The following CCDC57 variants were observed in gnomAD, a reference collection of about 807,000 sequenced individuals.
CCDC57 encodes the protein coiled-coil domain-containing protein 57.
In CCDC57, 118 loss-of-function variants were observed where a neutral mutation model predicts 118.9. The ratio of observed to expected loss-of-function variants is 0.99; its 90% confidence interval spans 0.86 to 1.16. The LOEUF is 1.16. Ranked by LOEUF, CCDC57 falls within the 50% of genes most tolerant of loss-of-function variation. The probability of loss-of-function intolerance (pLI) is 0.00; values close to 1 mark genes in which losing one functional copy is unlikely to be tolerated. For missense variants in CCDC57, 1,300 were observed against 1,320.7 expected (o/e 0.98, Z 0.24); for synonymous variants, 527 against 532.9 (o/e 0.99, Z 0.15).
At chr17:82,189,195 G>A (rs1456340946) in intron 7 of CCDC57, among the ~76,000 whole-genome samples, 1 of 152,152 alleles carries the variant, frequency 6.6e-6, no homozygotes, top group East Asian at 1.9e-4. Flanking sequence ...CGGAGCGTGG[G>A]AGGTCGAGGC....
chr17:82,132,951 G>C (rs1378396768), intron 17 of CCDC57, among the ~76,000 whole-genome samples: 1 of 151,888 alleles, frequency 6.6e-6, no homozygotes. Context: ...GTAGAGACGG[G>C]GTTTCACCAT....
In CCDC57 at chr17:82,211,400, G is replaced by T. The variant is rs114665060; in HGVS notation, c.-211+1385C>A. On this transcript the variant is annotated intron_variant, in intron 1 of 19. Transcript: ENST00000665763. The stretch of plus-strand genomic sequence containing the variant: ...AAGCAAGAATAAATACTGGAGACCA[G>T]ATCATGGGATGATACCAACATGAAC... Among the ~76,000 whole-genome samples, 1,365 of 152,324 alleles carry T rather than the reference G, an allele frequency of 9.0e-3. 14 individuals are homozygous for T. Among genetic ancestry groups the T allele is most frequent in the African/African-American group, 0.032 (1,314 of 41,560 alleles).
intron 9 of CCDC57, among the ~76,000 whole-genome samples, chr17:82,180,866 TA>T (rs1265981236): frequency 6.6e-6 from 1 of 152,184 alleles, no homozygotes; most frequent in Non-Finnish European, 1.5e-5. Flanking sequence ...CTTCCCACTT[TA>T]AACAACTGGG....
chr17:82,204,179 C>T (rs1009805379), intron 2 of CCDC57, among the ~76,000 whole-genome samples: 1 of 152,160 alleles, frequency 6.6e-6, no homozygotes, highest in African/African-American at 2.4e-5. Flanking sequence ...CCCCCGCGCC[C>T]AGCACCCTAG....
intron 15 of CCDC57, chr17:82,153,567 G>A (rs989819467): frequency 1.3e-5 from 2 of 152,294 alleles, no homozygotes; most frequent in East Asian, 1.9e-4. Flanking sequence ...CAGTGACCTG[G>A]GGGGCAGGGA....
At chr17:82,111,619 G>GT in intron 19 of CCDC57, among the ~76,000 whole-genome samples, 1 of 150,990 alleles carries the variant, frequency 6.6e-6, no homozygotes. Flanking sequence ...TTTTGTTTTT[G>GT]TTTTTTGAGA....
intron 16 of CCDC57, among the ~76,000 whole-genome samples, chr17:82,148,948 ATGG>A (rs1331352504): frequency 0.029 from 650 of 22,302 alleles, no homozygotes; most frequent in Non-Finnish European, 0.032. Flanking sequence ...GGGTGGGTGG[ATGG>A]TAGATGGATG....
intron 13 of CCDC57, among the ~76,000 whole-genome samples, chr17:82,166,937 A>G (rs542848658): frequency 2.0e-5 from 3 of 152,066 alleles, no homozygotes; most frequent in African/African-American, 7.2e-5. Context: ...CCACAACAAC[A>G]ACAACAAAAA....
At chr17:82,188,446 G>A in intron 7 of CCDC57, 27 bp from the exon 7 acceptor site, 2 of 1,592,294 alleles carry the variant, frequency 1.3e-6, no homozygotes, top group Middle Eastern at 1.7e-4. Flanking sequence ...GTCCCATGGC[G>A]CTCACCCAGC....
At chr17:82,131,893 A>G (rs1035796392) in intron 17 of CCDC57, among the ~76,000 whole-genome samples, 89 of 152,206 alleles carry the variant, frequency 5.8e-4, no homozygotes, top group African/African-American at 2.1e-3. Flanking sequence ...AGGCAGGAGG[A>G]TCACTTGAGT....
chr17:82,116,534 T>C (rs1368070997), intron 19 of CCDC57, among the ~76,000 whole-genome samples: 1 of 152,154 alleles, frequency 6.6e-6, no homozygotes, highest in Non-Finnish European at 1.5e-5. Context: ...GCATCTCCTC[T>C]GACCCCAGGA....
At chr17:82,141,253 G>A (rs12451217) in intron 16 of CCDC57, among the ~76,000 whole-genome samples, 2,614 of 147,512 alleles carry the variant, frequency 0.018, 206 homozygotes, top group Admixed American at 0.14. Context: ...GCATGATCTC[G>A]GCTCACTGCA....
At chr17:82,179,092 T>C (rs138891929) in exon 10 of CCDC57, 1 of 1,613,996 alleles carries the variant, frequency 6.2e-7, no homozygotes, top group Non-Finnish European at 8.5e-7. Flanking sequence ...TCCCTTTCAA[T>C]GTCATCACAG....
intron 19 of CCDC57, among the ~76,000 whole-genome samples, chr17:82,121,448 C>T (rs1023199297): frequency 6.6e-6 from 1 of 152,196 alleles, no homozygotes; most frequent in Non-Finnish European, 1.5e-5. Flanking sequence ...TTAAGACAGG[C>T]GCCTGGAGCC....
intron 16 of CCDC57, among the ~76,000 whole-genome samples, chr17:82,140,727 C>T (rs1245708584): frequency 6.6e-6 from 1 of 152,210 alleles, no homozygotes; most frequent in Non-Finnish European, 1.5e-5. Flanking sequence ...CAGTCACCAG[C>T]AGCCACTTGT....
intron 19 of CCDC57, among the ~76,000 whole-genome samples, chr17:82,117,629 T>C (rs2036091585): frequency 1.3e-5 from 2 of 152,044 alleles, no homozygotes; most frequent in South Asian, 4.1e-4. Context: ...CACTCCAGCC[T>C]GGGCGACGGA....
chr17:82,136,471 TGG>T (rs1598806454), intron 16 of CCDC57, among the ~76,000 whole-genome samples: 3 of 151,970 alleles, frequency 2.0e-5, no homozygotes, highest in East Asian at 3.9e-4. Flanking sequence ...AAAGGAATTC[TGG>T]AACAAATGAT....
chr17:82,107,504 C>T (rs1428693225), intron 19 of CCDC57: 1 of 470,806 alleles, frequency 2.1e-6, no homozygotes, highest in Non-Finnish European at 4.4e-6. Flanking sequence ...CAAAGCGGAC[C>T]CCCGCCAGAA....
chr17:82,207,353 A>C (rs2049793205), intron 2 of CCDC57, among the ~76,000 whole-genome samples: 1 of 151,730 alleles, frequency 6.6e-6, no homozygotes, highest in Non-Finnish European at 1.5e-5. Flanking sequence ...AAAAAAAAAC[A>C]AAAAAGAAAT....
Sources: gnomAD v4.1 joint callset for allele counts (sites outside exome capture counted in the v4.1 genomes callset) on GRCh38, gnomAD v4.1.1 for gene constraint, MANE v1.5 for transcripts, NCBI Gene and HGNC (gene_info 2026-07-23, HGNC 2026-07-21) for gene names.